Variants in PDE11A observed in about 807,000 individuals in gnomAD.
PDE11A encodes the protein dual 3',5'-cyclic-AMP and -GMP phosphodiesterase 11A.
Under a neutral mutation model 100.5 loss-of-function variants are expected in PDE11A, and 100 were observed. The observed-to-expected ratio is 1.00, with a 90% CI of 0.85 to 1.18. PDE11A has a LOEUF of 1.18. Ranked by LOEUF, PDE11A falls within the 50% of genes most tolerant of loss-of-function variation. The probability of loss-of-function intolerance (pLI) is 0.00; values close to 1 mark genes in which losing one functional copy is unlikely to be tolerated. For synonymous variants in PDE11A, 381 were observed against 420.8 expected (o/e 0.91, Z 1.16); for missense variants, 1,141 against 1,152.6 (o/e 0.99, Z 0.15).
At chr2:177,864,261 C>T (rs1053416088) in intron 5 of PDE11A, among the ~76,000 whole-genome samples, 1 of 151,982 alleles carries the variant, frequency 6.6e-6, no homozygotes, top group Non-Finnish European at 1.5e-5. Flanking sequence ...GTAGGATGAA[C>T]AAGTCTAGAG....
At chr2:178,032,260 C>A (rs2086558181) in intron 1 of PDE11A, among the ~76,000 whole-genome samples, 1 of 151,856 alleles carries the variant, frequency 6.6e-6, no homozygotes, top group South Asian at 2.1e-4. Context: ...TTCTTCATAC[C>A]CTGTTTCAAG....
chr2:177,763,480 C>T (rs1370460153), intron 10 of PDE11A, among the ~76,000 whole-genome samples: 1 of 152,144 alleles, frequency 6.6e-6, no homozygotes, highest in African/African-American at 2.4e-5. Flanking sequence ...TGTAGATAAA[C>T]AAGACAAAGC....
intron 1 of PDE11A, among the ~76,000 whole-genome samples, chr2:178,045,646 C>A (rs1173153571): frequency 6.6e-6 from 1 of 152,236 alleles, no homozygotes; most frequent in Admixed American, 6.5e-5. Context: ...TGTTAACTAT[C>A]ACTACTGTCA....
intron 1 of PDE11A, among the ~76,000 whole-genome samples, chr2:178,014,699 A>T (rs939834983): frequency 6.6e-6 from 1 of 152,206 alleles, no homozygotes; most frequent in Non-Finnish European, 1.5e-5. Flanking sequence ...CAACCGCAAC[A>T]CATCAAAATT....
At chr2:177,938,954 C>T (rs1407173156) in intron 2 of PDE11A, among the ~76,000 whole-genome samples, 1 of 152,198 alleles carries the variant, frequency 6.6e-6, no homozygotes, top group Non-Finnish European at 1.5e-5. Context: ...GACACAGGAA[C>T]AAGATGGCCA....
At chr2:177,697,476 G>C in intron 14 of PDE11A, 44 bp from the exon 15 acceptor site, 1 of 925,158 alleles carries the variant, frequency 1.1e-6, no homozygotes, top group African/African-American at 1.6e-5. Flanking sequence ...TTAAATCTGT[G>C]GTTGTTGATT....
chr2:178,004,045 T>C (rs985931600), intron 2 of PDE11A, among the ~76,000 whole-genome samples: 11 of 152,190 alleles, frequency 7.2e-5, no homozygotes, highest in Non-Finnish European at 1.0e-4. Flanking sequence ...TGAAGAATTA[T>C]TTAAAGCATG....
intron 1 of PDE11A, among the ~76,000 whole-genome samples, chr2:178,023,720 T>C (rs1315170183): frequency 5.9e-5 from 9 of 152,206 alleles, no homozygotes; most frequent in Non-Finnish European, 1.3e-4. Context: ...TGAGGAAATA[T>C]GTAATGACAA....
chr2:177,796,198 G>T (rs1380174883), intron 9 of PDE11A, among the ~76,000 whole-genome samples: 3 of 151,892 alleles, frequency 2.0e-5, no homozygotes, highest in Admixed American at 6.6e-5. Flanking sequence ...ACACTCAGGT[G>T]ACTGACTTGT....
intron 9 of PDE11A, among the ~76,000 whole-genome samples, chr2:177,806,827 A>G (rs2082879354): frequency 6.6e-6 from 1 of 152,100 alleles, no homozygotes; most frequent in Non-Finnish European, 1.5e-5. Context: ...GGATATAATT[A>G]ATAACAGTTG....
chr2:178,058,184 CT>C, intron 1 of PDE11A, among the ~76,000 whole-genome samples: 1 of 152,334 alleles, frequency 6.6e-6, no homozygotes, highest in Middle Eastern at 3.4e-3. Flanking sequence ...GCTAAACCCC[CT>C]GGTCCTAATC....
intron 13 of PDE11A, among the ~76,000 whole-genome samples, chr2:177,705,500 C>G (rs2105415997): frequency 6.6e-6 from 1 of 152,262 alleles, no homozygotes; most frequent in Admixed American, 6.5e-5. Context: ...TAAAGCTTTT[C>G]ATTTTGGATA....
At chr2:177,767,962 C>T (rs1033773892) in intron 10 of PDE11A, among the ~76,000 whole-genome samples, 10 of 152,120 alleles carry the variant, frequency 6.6e-5, no homozygotes, top group Non-Finnish European at 1.2e-4. Flanking sequence ...TTTAGTTGTT[C>T]TGTCTCCTCC....
At chr2:177,647,846 T>G (rs7573755) in intron 19 of PDE11A, among the ~76,000 whole-genome samples, 5,980 of 152,238 alleles carry the variant, frequency 0.039, 393 homozygotes, top group African/African-American at 0.14. Context: ...TGGGCCAACC[T>G]CAGTAGCTCA....
intron 12 of PDE11A, chr2:177,722,946 A>G (rs2081551693): frequency 1.3e-5 from 2 of 152,186 alleles, no homozygotes; most frequent in African/African-American, 4.8e-5. Context: ...TCAGTCAGTT[A>G]CAGAACAAAA....
chr2:177,706,787 C>CA (rs567103000), intron 13 of PDE11A, among the ~76,000 whole-genome samples: 213 of 151,840 alleles, frequency 1.4e-3, no homozygotes, highest in Non-Finnish European at 2.0e-3. Context: ...TGTGAGGATG[C>CA]AAAAAAACTC....
intron 1 of PDE11A, among the ~76,000 whole-genome samples, chr2:178,051,358 A>G (rs960012688): frequency 3.3e-5 from 5 of 152,214 alleles, no homozygotes; most frequent in African/African-American, 1.2e-4. Flanking sequence ...TGAAGGAAGC[A>G]CTAAATATGG....
At chr2:177,794,441 C>T (rs1264073648) in intron 9 of PDE11A, among the ~76,000 whole-genome samples, 1 of 152,102 alleles carries the variant, frequency 6.6e-6, no homozygotes, top group African/African-American at 2.4e-5. Flanking sequence ...CGTAACTTGG[C>T]CTTTTGTTAA....
chr2:178,018,073 A>G (rs1260913372), intron 1 of PDE11A: 3 of 188,618 alleles, frequency 1.6e-5, no homozygotes, highest in African/African-American at 7.1e-5. Context: ...CACTGGTCAG[A>G]CCTGCCATGT....
Sources: allele counts gnomAD v4.1 joint callset (sites outside exome capture counted in the v4.1 genomes callset), GRCh38; gene constraint gnomAD v4.1.1; transcripts MANE v1.5; gene names NCBI Gene and HGNC (gene_info 2026-07-23, HGNC 2026-07-21).